Variants in SCN8A observed in about 807,000 individuals in gnomAD.
SCN8A encodes sodium channel protein type 8 subunit alpha.
Under a neutral mutation model 184.1 loss-of-function variants are expected in SCN8A, and 30 were observed. The observed-to-expected ratio is 0.16, with a 90% CI of 0.12 to 0.22. The LOEUF (loss-of-function observed/expected upper bound fraction) is 0.22. Ranked by LOEUF, SCN8A falls within the 10% of genes least tolerant of loss-of-function variation. SCN8A has a pLI of 1.00. For missense variants in SCN8A, 1,057 were observed against 2,498.9 expected, an observed-to-expected ratio of 0.42 and a Z score of 12.30; for synonymous variants, 852 against 907.0, an observed-to-expected ratio of 0.94 and a Z score of 1.09.
chr12:51,778,066 G>T (rs1937766729), intron 20 of SCN8A, among the ~76,000 whole-genome samples: 1 of 152,138 alleles, frequency 6.6e-6, no homozygotes, highest in African/African-American at 2.4e-5. Context: ...GGATTAGTTG[G>T]TGCTACTATG....
chr12:51,770,721 G>A, intron 19 of SCN8A, 38 bp downstream of exon 19: 1 of 1,606,804 alleles, frequency 6.2e-7, no homozygotes, highest in Non-Finnish European at 8.5e-7. Context: ...GGATTGGCTG[G>A]GGAAGGGTGT....
chr12:51,635,219 G>T (rs1940289138), intron 1 of SCN8A, among the ~76,000 whole-genome samples: 1 of 152,088 alleles, frequency 6.6e-6, no homozygotes, highest in African/African-American at 2.4e-5. Flanking sequence ...CTCAGCTTAG[G>T]TATCACTTTT....
intron 2 of SCN8A, among the ~76,000 whole-genome samples, chr12:51,676,922 T>G (rs1941231504): frequency 6.6e-6 from 1 of 152,168 alleles, no homozygotes; most frequent in Non-Finnish European, 1.5e-5. Flanking sequence ...CTGGGCCATG[T>G]GTTTCACAGC....
intron 1 of SCN8A, among the ~76,000 whole-genome samples, chr12:51,610,222 T>G (rs923499764): frequency 6.8e-6 from 1 of 146,136 alleles, no homozygotes; most frequent in Non-Finnish European, 1.5e-5. Flanking sequence ...ACTCTTGGTG[T>G]CCGGTTGTAT....
chr12:51,650,260 G>A (rs956707752), intron 1 of SCN8A, among the ~76,000 whole-genome samples: 3 of 152,082 alleles, frequency 2.0e-5, no homozygotes, highest in Admixed American at 6.6e-5. Context: ...ACATTTTCCT[G>A]TCTTCTTCTG....
intron 5 of SCN8A, chr12:51,688,672 C>A: frequency 1.2e-6 from 1 of 851,862 alleles, no homozygotes; most frequent in Non-Finnish European, 2.0e-6. Flanking sequence ...GAAACCATAG[C>A]TTGTATATAA....
At chr12:51,802,315 C>T (rs770657998) in intron 26 of SCN8A, among the ~76,000 whole-genome samples, 1 of 152,114 alleles carries the variant, frequency 6.6e-6, no homozygotes, top group Non-Finnish European at 1.5e-5. Context: ...GGGATATTGC[C>T]ACCACTGGGG....
intron 2 of SCN8A, among the ~76,000 whole-genome samples, chr12:51,683,840 T>G (rs1429178038): frequency 6.6e-6 from 1 of 152,198 alleles, no homozygotes; most frequent in East Asian, 1.9e-4. Flanking sequence ...CAATATTTGT[T>G]GAGTGAATGA....
intron 11 of SCN8A, among the ~76,000 whole-genome samples, chr12:51,721,341 G>C (rs913871975): frequency 1.3e-5 from 2 of 151,874 alleles, no homozygotes; most frequent in East Asian, 3.9e-4. Flanking sequence ...TTTTGAATCC[G>C]TAACTGGTCA....
intron 25 of SCN8A, among the ~76,000 whole-genome samples, chr12:51,793,575 GAAA>G (rs1938326264): frequency 6.6e-6 from 1 of 152,182 alleles, no homozygotes; most frequent in Admixed American, 6.5e-5. Context: ...AAAATTTAGA[GAAA>G]GAAGGGATTG....
chr12:51,751,306 G>T (rs1463156466), intron 13 of SCN8A, 49 bp from the exon 14 acceptor site: 1 of 1,253,792 alleles, frequency 8.0e-7, no homozygotes, highest in Non-Finnish European at 1.2e-6. Flanking sequence ...GTGTCCCCCT[G>T]GTTTTCTTGC....
At chr12:51,722,117 C>T (rs113411423) in intron 12 of SCN8A, 6 of 720,472 alleles carry the variant, frequency 8.3e-6, no homozygotes, top group African/African-American at 5.3e-5. Context: ...CAGTTTTCCC[C>T]CTATTACTCA....
At chr12:51,725,402 C>T (rs1942141239) in intron 12 of SCN8A, among the ~76,000 whole-genome samples, 1 of 152,138 alleles carries the variant, frequency 6.6e-6, no homozygotes, top group Admixed American at 6.5e-5. Context: ...AAATTATGGA[C>T]TTTTTTCTTC....
chr12:51,628,721 AC>A (rs1940132932), intron 1 of SCN8A, among the ~76,000 whole-genome samples: 1 of 152,050 alleles, frequency 6.6e-6, no homozygotes, highest in Admixed American at 6.6e-5. Flanking sequence ...TGGTACTTCC[AC>A]CCTGAAATAA....
intron 26 of SCN8A, among the ~76,000 whole-genome samples, chr12:51,801,899 A>G (rs1310447905): frequency 6.6e-6 from 1 of 152,162 alleles, no homozygotes; most frequent in Non-Finnish European, 1.5e-5. Context: ...TACTAAAAAT[A>G]CAAAAATTAG....
At position 51,745,897 on chromosome 12, in the gene SCN8A, TTA is replaced by T. The variant is rs1247087139; in HGVS notation, c.1999-5_1999-4del. On this transcript the variant is annotated splice_region_variant and splice_polypyrimidine_tract_variant and intron_variant, in intron 12 of 26. Coordinates refer to ENST00000627620, the MANE Select transcript of SCN8A (RefSeq NM_001330260.2). ...TCTATTTGCTTTTCTTTTTTTTTTT[TTA>T]AAGGCTACAACTGAGGTGGAAATTA... is the stretch of plus-strand genomic sequence containing the variant. 11 of 1,561,450 alleles carry T rather than the reference TTA, an allele frequency of 7.0e-6. No individual in the cohort carries two copies. The highest frequency in any genetic ancestry group is 1.4e-5 in the African/African-American group (1 of 72,090).
At chr12:51,739,731 T>C (rs1942387563) in intron 12 of SCN8A, among the ~76,000 whole-genome samples, 1 of 152,224 alleles carries the variant, frequency 6.6e-6, no homozygotes, top group Admixed American at 6.5e-5. Flanking sequence ...TGACCTGGAT[T>C]TGAGCCCCCA....
At chr12:51,791,944 C>A (rs934862736) in intron 25 of SCN8A, among the ~76,000 whole-genome samples, 2 of 152,076 alleles carry the variant, frequency 1.3e-5, no homozygotes, top group Admixed American at 6.6e-5. Flanking sequence ...GATTAACATT[C>A]ATTTAGCAAA....
rs768201816 is a variant in SCN8A at position 51,706,646 on chromosome 12, T to C, written c.1566T>C (p.Asp522=). The C allele has an allele frequency of 3.4e-5, 55 of 1,607,054 alleles. No homozygotes were observed. The highest frequency in any genetic ancestry group is 4.5e-5 in the South Asian group (4 of 89,316). ...AGGTGTTTAAGTCAGAGTCAGAAGA[T>C]GGCATGAGAAGGAAGGCCTTTCGGC... ...PEKVFKSESE[D]GMRRKAFRLP... The change falls in exon 11 of 27, where the codon GAT becomes GAC. Residue 522 remains aspartate, a synonymous_variant. Coordinates refer to ENST00000627620, the MANE Select transcript of SCN8A (RefSeq NM_001330260.2).
Sources: allele counts gnomAD v4.1 joint callset (sites outside exome capture counted in the v4.1 genomes callset), GRCh38; gene constraint gnomAD v4.1.1; transcripts MANE v1.5; gene names NCBI Gene and HGNC (gene_info 2026-07-23, HGNC 2026-07-21).